PLCXD3: variants seen among roughly 807,000 people sequenced by gnomAD.
PLCXD3 encodes the protein phosphatidylinositol specific phospholipase C X domain containing 3.
Under a neutral mutation model 25.5 loss-of-function variants are expected in PLCXD3, and 19 were observed. The ratio of observed to expected loss-of-function variants is 0.75; its 90% CI spans 0.52 to 1.09. The LOEUF (loss-of-function observed/expected upper bound fraction) is 1.09. Ranked by LOEUF, PLCXD3 falls within the 50% of genes least tolerant of loss-of-function variation. PLCXD3 has a pLI of 0.00. For missense variants in PLCXD3, 411 were observed against 388.1 expected, an observed-to-expected ratio of 1.06 and a Z score of -0.50; for synonymous variants, 174 against 137.6, an observed-to-expected ratio of 1.26 and a Z score of -1.85.
intron 2 of PLCXD3, among the ~76,000 whole-genome samples, chr5:41,332,424 C>T (rs1269499164): frequency 6.6e-6 from 1 of 152,014 alleles, no homozygotes; most frequent in Non-Finnish European, 1.5e-5. Context: ...GAATGGCAAT[C>T]ATTAAAAAGT....
At chr5:41,338,284 C>T (rs1474933918) in intron 2 of PLCXD3, among the ~76,000 whole-genome samples, 1 of 151,696 alleles carries the variant, frequency 6.6e-6, no homozygotes, top group African/African-American at 2.4e-5. Flanking sequence ...ATGTTGAAGC[C>T]TCTTTGATGT....
intron 1 of PLCXD3, among the ~76,000 whole-genome samples, chr5:41,459,804 A>G (rs146779428): frequency 1.3e-4 from 20 of 151,992 alleles, no homozygotes; most frequent in African/African-American, 4.3e-4. Flanking sequence ...CTTCTTGCAA[A>G]CTTTCTTTTG....
At chr5:41,321,142 A>C (rs1363629397) in intron 2 of PLCXD3, among the ~76,000 whole-genome samples, 1 of 152,244 alleles carries the variant, frequency 6.6e-6, no homozygotes, top group Non-Finnish European at 1.5e-5. Context: ...CCAAATTGAA[A>C]AGAAAGTCAA....
chr5:41,492,319 G>A (rs1302505787), intron 1 of PLCXD3, among the ~76,000 whole-genome samples: 1 of 152,194 alleles, frequency 6.6e-6, no homozygotes, highest in East Asian at 1.9e-4. Context: ...TAGTCTGATG[G>A]GCTTCCCTTT....
chr5:41,353,045 G>A (rs1327992267), intron 2 of PLCXD3, among the ~76,000 whole-genome samples: 1 of 151,128 alleles, frequency 6.6e-6, no homozygotes, highest in Non-Finnish European at 1.5e-5. Context: ...TGAACTTTTG[G>A]TTTAACTACT....
intron 2 of PLCXD3, among the ~76,000 whole-genome samples, chr5:41,322,979 A>G (rs1384783727): frequency 6.6e-6 from 1 of 152,098 alleles, no homozygotes; most frequent in Non-Finnish European, 1.5e-5. Flanking sequence ...TCTAAAAAAA[A>G]AAAAAAGAAA....
intron 1 of PLCXD3, among the ~76,000 whole-genome samples, chr5:41,508,827 T>A (rs938137128): frequency 1.3e-5 from 2 of 152,230 alleles, no homozygotes; most frequent in African/African-American, 4.8e-5. Context: ...GGAATGCCTG[T>A]GGAAGTGAGA....
Position 41,308,758 on chromosome 5 carries a change from T to G in PLCXD3, c.*4859A>C, listed in dbSNP as rs1743058334. ...CAATTTTTCATGGAAAATTTATCAT[T>G]AAAGAAAAATGGGTGCCATGTTGGG... is the stretch of plus-strand genomic sequence containing the variant. On this transcript the variant is annotated 3_prime_UTR_variant, in exon 3 of 3. Transcript: ENST00000377801. The G allele has an allele frequency of 6.6e-6, 1 of 152,102 alleles. No homozygotes were observed. Among genetic ancestry groups the G allele is most frequent in the Non-Finnish European group, 1.5e-5 (1 of 67,986 alleles). The allele number at this position is 152,102 out of a possible 1,614,324, so 9.4% of individuals were successfully genotyped here.
chr5:41,399,087 C>T (rs1746099982), intron 1 of PLCXD3, among the ~76,000 whole-genome samples: 1 of 152,004 alleles, frequency 6.6e-6, no homozygotes, highest in African/African-American at 2.4e-5. Flanking sequence ...ATAAAGTAAT[C>T]CCATTTACAA....
intron 1 of PLCXD3, among the ~76,000 whole-genome samples, chr5:41,497,043 A>G (rs1748857309): frequency 1.3e-5 from 2 of 151,840 alleles, no homozygotes; most frequent in Admixed American, 1.3e-4. Flanking sequence ...AATGGTAGCC[A>G]CGAAGAAAAA....
intron 2 of PLCXD3, among the ~76,000 whole-genome samples, chr5:41,340,051 C>G (rs919335358): frequency 2.0e-5 from 3 of 152,128 alleles, no homozygotes; most frequent in Non-Finnish European, 2.9e-5. Flanking sequence ...TTTCTGGAAT[C>G]TCAGTTAACC....
At chr5:41,367,898 TC>T (rs1285633737) in intron 2 of PLCXD3, among the ~76,000 whole-genome samples, 1 of 152,210 alleles carries the variant, frequency 6.6e-6, no homozygotes, top group Non-Finnish European at 1.5e-5. Flanking sequence ...AAATAGGGAA[TC>T]CTTTTCTCAT....
chr5:41,475,411 G>T (rs1561284277), intron 1 of PLCXD3, among the ~76,000 whole-genome samples: 1 of 152,122 alleles, frequency 6.6e-6, no homozygotes, highest in Admixed American at 6.5e-5. Flanking sequence ...GTCTCTACTA[G>T]TCTTTGCTAG....
intron 1 of PLCXD3, among the ~76,000 whole-genome samples, chr5:41,494,668 TG>T (rs1748796867): frequency 6.6e-6 from 1 of 152,164 alleles, no homozygotes; most frequent in Non-Finnish European, 1.5e-5. Flanking sequence ...ATGCATATGA[TG>T]GGAAGGTAGT....
chr5:41,391,063 T>G (rs1745800202), intron 1 of PLCXD3, among the ~76,000 whole-genome samples: 1 of 152,182 alleles, frequency 6.6e-6, no homozygotes, highest in Admixed American at 6.5e-5. Flanking sequence ...TGGTCCAAAC[T>G]TGACTGCCTG....
intron 1 of PLCXD3, among the ~76,000 whole-genome samples, chr5:41,453,156 A>G (rs1747674902): frequency 6.6e-6 from 1 of 151,696 alleles, no homozygotes; most frequent in African/African-American, 2.4e-5. Flanking sequence ...ACAATCCCCA[A>G]TCCCACCCAA....
intron 1 of PLCXD3, among the ~76,000 whole-genome samples, chr5:41,488,059 C>A (rs375267858): frequency 0.12 from 13,152 of 107,434 alleles, 1,079 homozygotes; most frequent in African/African-American, 0.24. Flanking sequence ...TAAAGCTATC[C>A]CTCCCCCCTC....
intron 1 of PLCXD3, among the ~76,000 whole-genome samples, chr5:41,508,909 C>A (rs542846693): frequency 6.6e-6 from 1 of 152,298 alleles, no homozygotes; most frequent in South Asian, 2.1e-4. Flanking sequence ...GCCTAGGTAG[C>A]AGAATAAGTG....
At position 41,381,705 on chromosome 5, in the gene PLCXD3, T is replaced by C. The variant is rs1028080359; in HGVS notation, c.812+121A>G. 3.6e-6 allele frequency: 3 copies of C among 822,440 alleles called. No homozygotes were observed. In the African/African-American group the frequency reaches 5.2e-5, roughly 14 times the overall value. 50.9% of individuals were successfully genotyped at this position (822,440 alleles called of 1,614,324 possible). On this transcript the variant is annotated intron_variant, in intron 2 of 2. Coordinates refer to ENST00000377801, the MANE Select transcript of PLCXD3 (RefSeq NM_001005473.3). ...TTAAGAAACCCAATTAGTGGTACTT[T>C]GCTATTGCAGCCCCAGGGACCTAAT... is the stretch of plus-strand genomic sequence containing the variant.
Sources: gnomAD v4.1 joint callset for allele counts (sites outside exome capture counted in the v4.1 genomes callset) on GRCh38, gnomAD v4.1.1 for gene constraint, MANE v1.5 for transcripts, NCBI Gene and HGNC (gene_info 2026-07-23, HGNC 2026-07-21) for gene names.